The following MAP4 variants were observed in gnomAD, a reference collection of about 807,000 sequenced individuals.
The protein encoded by MAP4 is microtubule-associated protein 4.
MAP4 carries 76 observed loss-of-function variants against 170.2 expected under a neutral mutation model. The ratio of observed to expected loss-of-function variants is 0.45; its 90% CI spans 0.37 to 0.54. The LOEUF (loss-of-function observed/expected upper bound fraction) is 0.54. Among genes scored for constraint, MAP4 ranks in the 20% least tolerant of loss-of-function variants. The pLI is 0.00. For missense variants in MAP4, 2,506 were observed against 2,748.0 expected (o/e 0.91, Z 1.97); for synonymous variants, 909 against 994.5 (o/e 0.91, Z 1.62).
At chr3:48,038,173 A>G (rs2100119730) in intron 1 of MAP4, among the ~76,000 whole-genome samples, 1 of 110,876 alleles carries the variant, frequency 9.0e-6, no homozygotes, top group Non-Finnish European at 2.1e-5. Context: ...ATCTCCAAAA[A>G]AAGAAAAAAA....
chr3:47,928,409 A>T, intron 3 of MAP4, 59 bp from the exon 4 acceptor site: 1 of 1,552,118 alleles, frequency 6.4e-7, no homozygotes, highest in East Asian at 2.2e-5. Context: ...CCTCCACTAC[A>T]GTGGAATTTC....
Position 47,911,792 on chromosome 3 carries a change from C to T in MAP4, c.2629G>A (p.Val877Ile). ...TTGTTACTTTTGCTCTCTTCCTCTACTCTCAGCTTAGACTGAGAACTTATT... is the reference window on the plus strand; with the variant it reads ...TTGTTACTTTTGCTCTCTTCCTCTATTCTCAGCTTAGACTGAGAACTTATT... ...TAISSQSKLR[V>I]EEESKSNKSV... is the part of the protein sequence containing the mutation. The change falls in exon 9 of 21, where the codon GTA becomes ATA. Residue 877 changes from valine (V) to isoleucine (I), a missense_variant. Transcript: ENST00000683076. The surrounding 1 kb of genome is among the most constrained non-coding windows in gnomAD (Gnocchi z 4.0). 2.0e-6 allele frequency: 3 copies of T among 1,536,168 alleles called. No homozygotes were observed. The highest frequency in any genetic ancestry group is 2.6e-6 in the Non-Finnish European group (3 of 1,146,904).
intron 12 of MAP4, among the ~76,000 whole-genome samples, chr3:47,874,014 T>A (rs1168391948): frequency 6.6e-6 from 1 of 152,248 alleles, no homozygotes; most frequent in Non-Finnish European, 1.5e-5. Flanking sequence ...TCTCTGTCTC[T>A]ACAAATCTTT....
chr3:48,020,780 T>C (rs569889868), upstream of MAP4, among the ~76,000 whole-genome samples: 1 of 152,104 alleles, frequency 6.6e-6, no homozygotes, highest in South Asian at 2.1e-4. Context: ...ATGAGTATTA[T>C]TTGTTGTTGT....
intron 10 of MAP4, among the ~76,000 whole-genome samples, chr3:47,894,385 A>C (rs1482246859): frequency 6.6e-6 from 1 of 151,966 alleles, no homozygotes; most frequent in East Asian, 1.9e-4. Context: ...GATCGAGACC[A>C]TCCTGGCTAA....
intron 3 of MAP4, among the ~76,000 whole-genome samples, chr3:47,956,908 A>C (rs2100068154): frequency 6.6e-6 from 1 of 152,210 alleles, no homozygotes; most frequent in Admixed American, 6.5e-5. Context: ...TAATCTGTTA[A>C]TGGCACAGAC....
At chr3:48,021,737 T>C (rs2100110673) in intron 1 of MAP4, among the ~76,000 whole-genome samples, 1 of 152,206 alleles carries the variant, frequency 6.6e-6, no homozygotes, top group Admixed American at 6.5e-5. Flanking sequence ...TTTTACATAG[T>C]AATTTAAAAA....
intron 12 of MAP4, 69 bp from the exon 13 acceptor site, chr3:47,872,169 G>A: frequency 1.5e-6 from 2 of 1,351,430 alleles, no homozygotes; most frequent in Non-Finnish European, 2.0e-6. Context: ...GCTACAAGAT[G>A]CTTCTTTTTT....
At chr3:47,953,373 T>A (rs994633415) in intron 3 of MAP4, among the ~76,000 whole-genome samples, 1 of 151,886 alleles carries the variant, frequency 6.6e-6, no homozygotes, top group African/African-American at 2.4e-5. Context: ...AAATAAAAAA[T>A]TAACCAGGCA....
At chr3:47,955,539 C>T (rs1035368167) in intron 3 of MAP4, among the ~76,000 whole-genome samples, 10 of 151,322 alleles carry the variant, frequency 6.6e-5, no homozygotes, top group African/African-American at 1.7e-4. Context: ...GTAGCAAATA[C>T]GTTAGATGCT....
At chr3:47,919,474 A>AT (rs1442705503) in intron 5 of MAP4, among the ~76,000 whole-genome samples, 1 of 151,182 alleles carries the variant, frequency 6.6e-6, no homozygotes, top group Admixed American at 6.6e-5. Context: ...CACCTGGCTA[A>AT]TTTTTTTGTA....
intron 9 of MAP4, among the ~76,000 whole-genome samples, chr3:47,905,867 A>G (rs1013146769): frequency 2.0e-5 from 3 of 151,954 alleles, no homozygotes; most frequent in African/African-American, 7.3e-5. Context: ...GGTGGTAGGC[A>G]CCTATAATCC....
intron 4 of MAP4, among the ~76,000 whole-genome samples, chr3:47,923,546 A>T (rs1312079683): frequency 6.7e-6 from 1 of 149,724 alleles, no homozygotes; most frequent in Non-Finnish European, 1.5e-5. Context: ...GACTGTGAAT[A>T]GTCACTGCAC....
At chr3:47,936,806 C>T (rs1045400229) in intron 3 of MAP4, among the ~76,000 whole-genome samples, 1 of 151,818 alleles carries the variant, frequency 6.6e-6, no homozygotes, top group African/African-American at 2.4e-5. Context: ...CATGGAGAAA[C>T]CCCGTCTCAA....
intron 10 of MAP4, chr3:47,891,622 G>A: frequency 6.5e-7 from 1 of 1,536,054 alleles, no homozygotes; most frequent in Non-Finnish European, 8.7e-7. Flanking sequence ...TCTGCTGGGG[G>A]GCTTGGTTGA....
chr3:47,864,005 T>C (rs1391653823), intron 17 of MAP4, among the ~76,000 whole-genome samples: 1 of 150,702 alleles, frequency 6.6e-6, no homozygotes, highest in Non-Finnish European at 1.5e-5. Flanking sequence ...TTTTTCAGTG[T>C]CTCTCTCTGT....
chr3:48,038,977 C>T (rs1029354613), intron 1 of MAP4, among the ~76,000 whole-genome samples: 8 of 151,956 alleles, frequency 5.3e-5, no homozygotes, highest in African/African-American at 1.9e-4. Context: ...TGATGCACGC[C>T]TATAGTCCCA....
intron 1 of MAP4, among the ~76,000 whole-genome samples, chr3:48,081,450 TTTAAA>T (rs1210838204): frequency 6.6e-6 from 1 of 152,104 alleles, no homozygotes; most frequent in African/African-American, 2.4e-5. Context: ...AGGAGTATAA[TTTAAA>T]TTAGTTAACA....
intron 17 of MAP4, among the ~76,000 whole-genome samples, chr3:47,861,737 T>C (rs2066452119): frequency 6.6e-6 from 1 of 152,066 alleles, no homozygotes; most frequent in African/African-American, 2.4e-5. Context: ...TGCACGCCTG[T>C]AATCCTGGCT....
Sources: gnomAD v4.1 joint callset for allele counts (sites outside exome capture counted in the v4.1 genomes callset) on GRCh38, gnomAD v4.1.1 for gene constraint, Gnocchi (gnomAD v3.1) non-coding constraint, MANE v1.5 for transcripts, NCBI Gene and HGNC (gene_info 2026-07-23, HGNC 2026-07-21) for gene names.